RAD51: variants seen among roughly 807,000 people sequenced by gnomAD.
RAD51 encodes the protein DNA repair protein RAD51 homolog 1.
In RAD51, 14 loss-of-function variants were observed where a neutral mutation model predicts 41.5. That is an observed-to-expected ratio of 0.34 (90% confidence interval 0.22 to 0.53). The LOEUF (loss-of-function observed/expected upper bound fraction) is 0.53. Ranked by LOEUF, RAD51 falls within the 20% of genes least tolerant of loss-of-function variation. The pLI is 0.95. For missense variants in RAD51, 234 were observed against 422.0 expected (o/e 0.55, Z 3.90); for synonymous variants, 136 against 148.6 (o/e 0.92, Z 0.62).
Position 40,731,994 on chromosome 15 carries a change from A to G in RAD51, c.*816A>G, listed in dbSNP as rs56390641. 3.6e-3 allele frequency: 762 copies of G among 210,126 alleles called. 5 individuals are homozygous for G. The highest frequency in any genetic ancestry group is 0.029 in the East Asian group (401 of 14,004). The allele number at this position is 210,126 out of a possible 1,614,324, so 13.0% of individuals were successfully genotyped here. Reference sequence around the variant, plus strand: ...GCTACTCGATAGCCTGAGGTGGGAGAATCACTTAAGCCTGGAAGGTGGAAG... The same window carrying G: ...GCTACTCGATAGCCTGAGGTGGGAGGATCACTTAAGCCTGGAAGGTGGAAG... On this transcript the variant is annotated 3_prime_UTR_variant, in exon 10 of 10. Transcript: ENST00000267868.
At chr15:40,717,025 C>CA (rs772955410) in intron 5 of RAD51, among the ~76,000 whole-genome samples, 4 of 148,226 alleles carry the variant, frequency 2.7e-5, no homozygotes, top group South Asian at 2.2e-4. Context: ...TTTGTAATTT[C>CA]AAAAAAAAAT....
rs1429537575 is a variant in RAD51 at position 40,729,937 on chromosome 15, A to G, written c.859A>G (p.Ile287Val). ...AMFAADPKKP[I>V]GGNIIAHAST... ...GTTTGCTGCTGATCCCAAAAAACCT[A>G]TTGGAGGAAATATCATCGCCCATGC... Residue 287 changes from isoleucine (I) to valine (V), a missense_variant, in exon 9 of 10, where the codon ATT (isoleucine) becomes GTT (valine). Around this residue, in one of 2 missense-constraint regions of RAD51, gnomAD observed 134 missense variants for 286.5 expected, o/e 0.47. Transcript: ENST00000267868. 19 of 1,614,020 alleles carry G rather than the reference A, an allele frequency of 1.2e-5. No homozygotes were observed. The Admixed American group carries it at 1.5e-4, about 13-fold the overall frequency.
At chr15:40,716,523 G>A (rs762914052) in intron 5 of RAD51, among the ~76,000 whole-genome samples, 26 of 151,822 alleles carry the variant, frequency 1.7e-4, no homozygotes, top group African/African-American at 4.4e-4. Flanking sequence ...GCACCACCAC[G>A]CCCCACTAAT....
rs201490271 is a variant in RAD51, at chr15:40,731,227, G to A, written c.*49G>A. 1 of 1,612,026 alleles carries A rather than the reference G, an allele frequency of 6.2e-7. No homozygotes were observed. Among genetic ancestry groups the A allele is most frequent in the Admixed American group, 1.7e-5 (1 of 59,958 alleles). ...AAAACCTTAAGTGCTGCAGCCTAAT[G>A]AGAGTGCACTGCTCCCTGGGGTTCT... On this transcript the variant is annotated 3_prime_UTR_variant, in exon 10 of 10. Coordinates refer to ENST00000267868, the MANE Select transcript of RAD51 (RefSeq NM_002875.5).
Position 40,719,677 on chromosome 15 carries a change from A to C in RAD51, c.530+778A>C, listed in dbSNP as rs774544563. ...GAAACCTCGTCTCTATTAAAAATAC[A>C]AAAAGTTAGCCGGGTGTGTTGGTGG... On this transcript the variant is annotated intron_variant, in intron 6 of 9. Transcript: ENST00000267868. 2.5e-3 allele frequency among the ~76,000 whole-genome samples: 373 copies of C among 152,208 alleles called. 2 individuals carry two copies. Among genetic ancestry groups the C allele is most frequent in the Non-Finnish European group, 4.6e-3 (313 of 68,014 alleles).
chr15:40,713,263 AT>A (rs1895807437), intron 5 of RAD51, among the ~76,000 whole-genome samples: 1 of 74,322 alleles, frequency 1.3e-5, no homozygotes, highest in Admixed American at 1.4e-4. Context: ...TTTTTTTTTT[AT>A]TTGAGACGGA....
chr15:40,731,352 G>A lies in RAD51; in HGVS notation c.*174G>A. 1.3e-6 allele frequency: 1 copy of A among 754,204 alleles called. No homozygotes were observed. Among genetic ancestry groups the A allele is most frequent in the East Asian group, 2.7e-5 (1 of 36,602 alleles). The allele number at this position is 754,204 out of a possible 1,614,324, so 46.7% of individuals were successfully genotyped here. On this transcript the variant is annotated 3_prime_UTR_variant, in exon 10 of 10. Coordinates refer to ENST00000267868, the MANE Select transcript of RAD51 (RefSeq NM_002875.5). ...GGTATAAACAGGAGACAGGTCAGTAGTCACAAACTGATCTAAAATGTTTAT... is the reference window on the plus strand; with the variant it reads ...GGTATAAACAGGAGACAGGTCAGTAATCACAAACTGATCTAAAATGTTTAT...
chr15:40,726,231 T>G (rs1046831758), intron 6 of RAD51, among the ~76,000 whole-genome samples: 1 of 143,082 alleles, frequency 7.0e-6, no homozygotes, highest in African/African-American at 2.6e-5. Context: ...GAGTCTAGGT[T>G]AGGCCCAGGA....
intron 5 of RAD51, among the ~76,000 whole-genome samples, chr15:40,709,952 CAA>C (rs1462170588): frequency 6.6e-6 from 1 of 151,252 alleles, no homozygotes; most frequent in Admixed American, 6.6e-5. Context: ...CACTTGAGAT[CAA>C]GAGTTTGGCT....
chr15:40,713,214 A>C (rs1201964210), intron 5 of RAD51, among the ~76,000 whole-genome samples: 6 of 144,536 alleles, frequency 4.2e-5, no homozygotes, highest in Non-Finnish European at 9.0e-5. Flanking sequence ...CAAGTAACCT[A>C]GCTTGATAGC....
chr15:40,706,477 A>G (rs1293717619), intron 4 of RAD51, among the ~76,000 whole-genome samples, 183 bp downstream of exon 4: 1 of 152,228 alleles, frequency 6.6e-6, no homozygotes, highest in Non-Finnish European at 1.5e-5. Context: ...TGGGCAGATC[A>G]CCTGAGGCTG....
intron 1 of RAD51, among the ~76,000 whole-genome samples, chr15:40,697,041 C>T (rs1885638912): frequency 6.6e-6 from 1 of 152,158 alleles, no homozygotes; most frequent in African/African-American, 2.4e-5. Context: ...TTGTCACTCT[C>T]TTAGTGGTGT....
At chr15:40,717,650 A>C (rs957581773) in intron 5 of RAD51, among the ~76,000 whole-genome samples, 2 of 151,708 alleles carry the variant, frequency 1.3e-5, no homozygotes, top group East Asian at 1.9e-4. Context: ...GTTTTCTCCA[A>C]TTGTTCATTT....
chr15:40,724,889 A>ATTTTTTTTTTT (rs34086110), intron 6 of RAD51, among the ~76,000 whole-genome samples: 53 of 55,404 alleles, frequency 9.6e-4, no homozygotes, highest in African/African-American at 1.3e-3. Context: ...ATTTTTTTTA[A>ATTTTTTTTTTT]TTTTTTTTTT....
intron 3 of RAD51, among the ~76,000 whole-genome samples, chr15:40,705,893 A>G (rs1451121065): frequency 6.6e-6 from 1 of 152,244 alleles, no homozygotes; most frequent in Non-Finnish European, 1.5e-5. Context: ...GGCGTGAGCC[A>G]TCGCACCCGG....
chr15:40,703,705 CTT>C (rs1895143657), intron 3 of RAD51, among the ~76,000 whole-genome samples: 1 of 151,764 alleles, frequency 6.6e-6, no homozygotes, highest in African/African-American at 2.4e-5. Context: ...TAATTTGAGT[CTT>C]TTCTCTTTTT....
chr15:40,730,039 T>TA (rs1896789436), intron 9 of RAD51, 65 bp downstream of exon 9: 2 of 1,587,390 alleles, frequency 1.3e-6, no homozygotes, highest in Non-Finnish European at 1.7e-6. Flanking sequence ...GACATGAAGA[T>TA]ATAACATTTT....
At chr15:40,702,189 G>A (rs866274305) in intron 3 of RAD51, among the ~76,000 whole-genome samples, 2 of 152,230 alleles carry the variant, frequency 1.3e-5, no homozygotes, top group Middle Eastern at 3.4e-3. Flanking sequence ...TTGCTTAATT[G>A]GAAATAAGGG....
At chr15:40,697,495 C>G (rs1448577948) in intron 1 of RAD51, among the ~76,000 whole-genome samples, 1 of 151,932 alleles carries the variant, frequency 6.6e-6, no homozygotes, top group African/African-American at 2.4e-5. Flanking sequence ...TTTTTCTGTC[C>G]CAAGGTTGTG....
Sources: allele counts gnomAD v4.1 joint callset (sites outside exome capture counted in the v4.1 genomes callset), GRCh38; gene constraint gnomAD v4.1.1; regional missense constraint gnomAD v4.1.1; transcripts MANE v1.5; gene names NCBI Gene and HGNC (gene_info 2026-07-23, HGNC 2026-07-21).